The following ZDHHC20 variants were observed in gnomAD, a reference collection of about 807,000 sequenced individuals.
The protein encoded by ZDHHC20 is zDHHC palmitoyltransferase 20.
In ZDHHC20, 43 loss-of-function variants were observed where a neutral mutation model predicts 57.8. That is an observed-to-expected ratio of 0.74 (90% CI 0.58 to 0.96). ZDHHC20 has a LOEUF of 0.96. ZDHHC20 is among the 40% of genes least tolerant of loss of function. ZDHHC20 has a pLI of 0.00. For missense variants in ZDHHC20, 391 were observed against 441.1 expected (o/e 0.89, Z 1.02); for synonymous variants, 157 against 153.0 (o/e 1.03, Z -0.19).
At chr13:21,410,823 A>G (rs1879104289) in intron 4 of ZDHHC20, among the ~76,000 whole-genome samples, 1 of 152,050 alleles carries the variant, frequency 6.6e-6, no homozygotes, top group Non-Finnish European at 1.5e-5. Context: ...CTGCTGAGCA[A>G]GACCACTCAG....
intron 7 of ZDHHC20, among the ~76,000 whole-genome samples, chr13:21,394,465 CA>C (rs1042259725): frequency 6.6e-6 from 1 of 152,154 alleles, no homozygotes; most frequent in African/African-American, 2.4e-5. Context: ...TTCTCAAAAG[CA>C]AGCTCTACAA....
At chr13:21,432,398 C>T (rs1349837724) in intron 1 of ZDHHC20, among the ~76,000 whole-genome samples, 2 of 151,188 alleles carry the variant, frequency 1.3e-5, no homozygotes, top group South Asian at 2.1e-4. Context: ...GGCGTGATCT[C>T]GGCTCACTAC....
At chr13:21,420,733 A>T (rs1880551558) in intron 3 of ZDHHC20, among the ~76,000 whole-genome samples, 1 of 152,250 alleles carries the variant, frequency 6.6e-6, no homozygotes, top group South Asian at 2.1e-4. Context: ...AAATGTTGAG[A>T]GTTTCTAAAA....
intron 1 of ZDHHC20, among the ~76,000 whole-genome samples, chr13:21,451,742 C>G (rs756658608): frequency 5.9e-5 from 9 of 152,152 alleles, no homozygotes; most frequent in Admixed American, 2.0e-4. Context: ...GAAACCCCAG[C>G]ACTTTGGGAG....
intron 1 of ZDHHC20, among the ~76,000 whole-genome samples, chr13:21,440,668 A>G (rs542010320): frequency 5.9e-5 from 9 of 152,198 alleles, no homozygotes; most frequent in Non-Finnish European, 1.2e-4. Context: ...ATATGACAAA[A>G]GAAAGATTTT....
chr13:21,459,136 G>A lies in ZDHHC20; in HGVS notation c.36C>T (p.Arg12=). The A allele has an allele frequency of 1.9e-6, 3 of 1,605,260 alleles. No individual in the cohort carries two copies. The highest frequency in any genetic ancestry group is 2.5e-6 in the Non-Finnish European group (3 of 1,176,750). Residue 12 remains arginine (R), a synonymous_variant, in exon 1 of 13, where the codon CGC becomes CGT. Transcript: ENST00000400590. ...APWTLWRCCQ[R]VVGWVPVLFI... is the part of the protein sequence containing the mutation. ...AGAGCACCGGCACCCAGCCCACGAC[G>A]CGCTGGCAGCAGCGCCACAGCGTCC...
intron 1 of ZDHHC20, among the ~76,000 whole-genome samples, chr13:21,454,239 T>C (rs1884716997): frequency 6.6e-6 from 1 of 152,002 alleles, no homozygotes; most frequent in African/African-American, 2.4e-5. Context: ...GGCAGGAGAA[T>C]TGCTTGAACC....
chr13:21,435,095 A>G (rs1286813039), intron 1 of ZDHHC20, among the ~76,000 whole-genome samples: 1 of 152,178 alleles, frequency 6.6e-6, no homozygotes, highest in African/African-American at 2.4e-5. Flanking sequence ...CAGTCTACTC[A>G]ATGAAGTTTT....
At chr13:21,443,291 T>C (rs1883359500) in intron 1 of ZDHHC20, among the ~76,000 whole-genome samples, 1 of 152,174 alleles carries the variant, frequency 6.6e-6, no homozygotes, top group African/African-American at 2.4e-5. Context: ...TTCTTTTGCA[T>C]TCTCAGTTGC....
intron 1 of ZDHHC20, among the ~76,000 whole-genome samples, chr13:21,426,335 A>G (rs1881243187): frequency 6.6e-6 from 1 of 152,150 alleles, no homozygotes; most frequent in Admixed American, 6.5e-5. Flanking sequence ...AATGGCCTCG[A>G]GTCCTGTTGG....
At chr13:21,402,709 A>G in intron 5 of ZDHHC20, 88 bp downstream of exon 5, 2 of 1,083,256 alleles carry the variant, frequency 1.8e-6, no homozygotes, top group Non-Finnish European at 2.7e-6. Flanking sequence ...TGTCAAGTGT[A>G]AAGCATATAA....
At chr13:21,389,511 A>G (rs7334527) in intron 8 of ZDHHC20, among the ~76,000 whole-genome samples, 4,350 of 152,308 alleles carry the variant, frequency 0.029, 193 homozygotes, top group African/African-American at 0.097. Flanking sequence ...AATTTTATAA[A>G]TATTTGTGCA....
At chr13:21,398,615 T>C (rs926904238) in intron 7 of ZDHHC20, among the ~76,000 whole-genome samples, 1 of 152,238 alleles carries the variant, frequency 6.6e-6, no homozygotes, top group African/African-American at 2.4e-5. Context: ...CCTGATTCTA[T>C]ACCTCAGTTT....
intron 1 of ZDHHC20, among the ~76,000 whole-genome samples, chr13:21,442,483 G>A (rs553950984): frequency 1.3e-5 from 2 of 152,294 alleles, no homozygotes; most frequent in Admixed American, 6.5e-5. Flanking sequence ...GGCCAGGCAC[G>A]GTGACTCATG....
At chr13:21,448,009 C>T (rs1883954297) in intron 1 of ZDHHC20, among the ~76,000 whole-genome samples, 1 of 117,550 alleles carries the variant, frequency 8.5e-6, no homozygotes, top group Non-Finnish European at 1.9e-5. Flanking sequence ...CTCTGCCCGG[C>T]CGCCCCGTCT....
Position 21,393,357 on chromosome 13 carries a change from C to T in ZDHHC20, c.595-1503G>A, listed in dbSNP as rs147698036. The stretch of plus-strand genomic sequence containing the variant: ...CTCTACTAAAAATGCAAAAATTAGC[C>T]GGGCATGGTGGTACACGCCTGTAAT... On this transcript the variant is annotated intron_variant, in intron 7 of 12. Coordinates refer to ENST00000400590, the MANE Select transcript of ZDHHC20 (RefSeq NM_001330059.2). Among the ~76,000 whole-genome samples, 1,306 of 151,444 alleles carry T rather than the reference C, an allele frequency of 8.6e-3. 7 individuals carry two copies. Among genetic ancestry groups the T allele is most frequent in the Middle Eastern group, 0.027 (8 of 294 alleles).
intron 3 of ZDHHC20, among the ~76,000 whole-genome samples, chr13:21,414,767 T>C (rs1432021728): frequency 1.3e-5 from 2 of 151,984 alleles, no homozygotes; most frequent in African/African-American, 4.8e-5. Flanking sequence ...TCAGAGTACT[T>C]GTTTATGTTT....
chr13:21,410,492 G>C (rs1000770395), intron 4 of ZDHHC20, among the ~76,000 whole-genome samples: 2 of 152,206 alleles, frequency 1.3e-5, no homozygotes, highest in Non-Finnish European at 1.5e-5. Context: ...GTGTCCCAGG[G>C]AGATGGGAGT....
rs1454245421 is a variant in ZDHHC20, at chr13:21,402,856, A to G, written c.381T>C (p.Tyr127=). Residue 127 remains tyrosine (Y), a synonymous_variant, in exon 5 of 13, where the codon TAT becomes TAC. Transcript: ENST00000400590. ...YTTSASKTIR[Y]CEKCQLIKPD... is the part of the protein sequence containing the mutation. ...GTTTAATCAGCTGACATTTTTCACA[A>G]TATCTGATAGCTACATGAAAGAAGT... 9 of 1,592,848 alleles carry G rather than the reference A, an allele frequency of 5.7e-6. No homozygotes were observed. The highest frequency in any genetic ancestry group is 5.3e-5 in the Admixed American group (3 of 56,826).
Sources: gnomAD v4.1 joint callset for allele counts (sites outside exome capture counted in the v4.1 genomes callset) on GRCh38, gnomAD v4.1.1 for gene constraint, MANE v1.5 for transcripts, NCBI Gene and HGNC (gene_info 2026-07-23, HGNC 2026-07-21) for gene names.